The following DTNA variants were observed in gnomAD, a reference collection of about 807,000 sequenced individuals.
The protein encoded by DTNA is dystrobrevin alpha, also known as dystrophin-related protein 3.
A neutral mutation model predicts 100.7 loss-of-function variants in DTNA; 43 were observed. That is an observed-to-expected ratio of 0.43 (90% CI 0.33 to 0.55). The LOEUF (loss-of-function observed/expected upper bound fraction) is 0.55, where lower values mean the gene tolerates loss of function less well. Ranked by LOEUF, DTNA falls within the 20% of genes least tolerant of loss-of-function variation. The pLI, the probability that DTNA is intolerant of heterozygous loss-of-function variation, is 0.04. For missense variants in DTNA, 798 were observed against 953.9 expected (o/e 0.84, Z 2.15); for synonymous variants, 349 against 347.9 (o/e 1.00, Z -0.04).
At chr18:34,860,848 C>T (rs2096615381) in intron 16 of DTNA, among the ~76,000 whole-genome samples, 1 of 152,070 alleles carries the variant, frequency 6.6e-6, no homozygotes, top group African/African-American at 2.4e-5. Context: ...TACACTGTCC[C>T]GTAAAATTAC....
At chr18:34,645,853 T>A (rs970583008) in intron 1 of DTNA, among the ~76,000 whole-genome samples, 5 of 152,196 alleles carry the variant, frequency 3.3e-5, no homozygotes, top group Admixed American at 2.0e-4. Context: ...TTTTTAACCA[T>A]TTTTTGAAAA....
chr18:34,733,749 C>T (rs1014474973), intron 1 of DTNA, among the ~76,000 whole-genome samples: 5 of 152,168 alleles, frequency 3.3e-5, no homozygotes, highest in Non-Finnish European at 7.4e-5. Flanking sequence ...TCCACTCCAC[C>T]ATCCCAATCT....
chr18:34,672,261 A>G (rs1472408322), intron 1 of DTNA, among the ~76,000 whole-genome samples: 1 of 152,110 alleles, frequency 6.6e-6, no homozygotes, highest in Non-Finnish European at 1.5e-5. Flanking sequence ...ACTTATATTC[A>G]TAAAAGGAGA....
chr18:34,558,496 A>C (rs2046336680), intron 1 of DTNA, among the ~76,000 whole-genome samples: 1 of 152,200 alleles, frequency 6.6e-6, no homozygotes, highest in Non-Finnish European at 1.5e-5. Flanking sequence ...TACAGCCATA[A>C]ACAAAAATAC....
At chr18:34,761,126 TCACACACACACACACACACA>T (rs6146260) in intron 2 of DTNA, among the ~76,000 whole-genome samples, 3 of 149,204 alleles carry the variant, frequency 2.0e-5, no homozygotes, top group Admixed American at 6.7e-5. Flanking sequence ...CCTCCATCCT[TCACACACACACACACACACA>T]CACACACACA....
chr18:34,790,240 ACATG>A, intron 3 of DTNA, among the ~76,000 whole-genome samples: 1 of 152,290 alleles, frequency 6.6e-6, no homozygotes, highest in East Asian at 1.9e-4. Context: ...GTCCTGTGCC[ACATG>A]CAACGCAGAA....
chr18:34,675,292 G>A (rs188042413), intron 1 of DTNA, among the ~76,000 whole-genome samples: 2 of 151,942 alleles, frequency 1.3e-5, no homozygotes, highest in Admixed American at 1.3e-4. Flanking sequence ...GTCCCCTGGG[G>A]GCAAAATCAC....
intron 1 of DTNA, among the ~76,000 whole-genome samples, chr18:34,497,881 C>G (rs1014725414): frequency 3.3e-5 from 5 of 152,096 alleles, no homozygotes; most frequent in African/African-American, 1.2e-4. Context: ...CCATTTGAAA[C>G]TATTAAAATT....
intron 1 of DTNA, among the ~76,000 whole-genome samples, chr18:34,723,133 G>A (rs868723817): frequency 5.7e-4 from 87 of 152,106 alleles, no homozygotes; most frequent in African/African-American, 2.0e-3. Flanking sequence ...CATTATATTT[G>A]ACAACATTAA....
At chr18:34,542,808 CCACAACTAATATCTG>C in intron 1 of DTNA, among the ~76,000 whole-genome samples, 1 of 152,062 alleles carries the variant, frequency 6.6e-6, no homozygotes, top group Admixed American at 6.6e-5. Flanking sequence ...ACAACCACCA[CCACAACTAATATCTG>C]CTTACACCAG....
chr18:34,521,347 A>G (rs1354357819), intron 1 of DTNA, among the ~76,000 whole-genome samples: 1 of 152,150 alleles, frequency 6.6e-6, no homozygotes, highest in East Asian at 1.9e-4. Flanking sequence ...TCACTATTAT[A>G]TTATTTTGGT....
chr18:34,884,730 C>T lies in DTNA; in HGVS notation c.2298C>T (p.Val766=). 6.2e-7 allele frequency: 1 copy of T among 1,614,136 alleles called. No individual in the cohort carries two copies. Among genetic ancestry groups the T allele is most frequent in the Non-Finnish European group, 8.5e-7 (1 of 1,179,990 alleles). ...KQKLQDEAYQ[V]SLQG is the part of the protein sequence containing the mutation. ...TTTGTGTCCTTTGTCACCCACAGGT[C>T]AGCTTGCAAGGTTGAATGCAATATC... Residue 766 remains valine (V), a splice_region_variant and synonymous_variant, in exon 22 of 23, where the codon GTC becomes GTT. Coordinates refer to ENST00000444659, the MANE Select transcript of DTNA (RefSeq NM_001386795.1).
rs753544169 is a variant in DTNA, at chr18:34,838,869, T to TA, written c.1346+33dup. ...GCAGGTTTGGCTGCTTGACTGTCCT[T>TA]AGAGAGGGATACAGTCTGAGCTGGT... On this transcript the variant is annotated intron_variant, in intron 13 of 22. Transcript: ENST00000444659. The TA allele has an allele frequency of 2.5e-6, 4 of 1,582,836 alleles. No individual in the cohort carries two copies. The African/African-American group carries it at 5.4e-5, about 21-fold the overall frequency.
At chr18:34,816,685 C>G (rs2095605395) in intron 7 of DTNA, among the ~76,000 whole-genome samples, 1 of 152,156 alleles carries the variant, frequency 6.6e-6, no homozygotes, top group South Asian at 2.1e-4. Context: ...TTCAATGTAA[C>G]TCTGAAATTT....
intron 1 of DTNA, among the ~76,000 whole-genome samples, chr18:34,701,955 T>G (rs1192510676): frequency 6.6e-6 from 1 of 152,096 alleles, no homozygotes; most frequent in African/African-American, 2.4e-5. Context: ...ATAGACAGAG[T>G]GTTATTTTAA....
intron 17 of DTNA, among the ~76,000 whole-genome samples, chr18:34,865,454 C>G (rs866609737): frequency 6.6e-6 from 1 of 151,924 alleles, no homozygotes; most frequent in Non-Finnish European, 1.5e-5. Flanking sequence ...ATTCCTTTTC[C>G]CTCCATCAGT....
intron 1 of DTNA, among the ~76,000 whole-genome samples, chr18:34,581,235 G>A (rs996518084): frequency 2.7e-5 from 4 of 148,166 alleles, no homozygotes; most frequent in African/African-American, 5.0e-5. Context: ...GTGACAGAGC[G>A]AGATTGGGTC....
intron 1 of DTNA, among the ~76,000 whole-genome samples, chr18:34,541,892 C>G (rs2044281250): frequency 6.6e-6 from 1 of 152,018 alleles, no homozygotes; most frequent in East Asian, 1.9e-4. Context: ...TGTGATGGGT[C>G]TAGACCTGGT....
chr18:34,676,332 T>C (rs542076917), intron 1 of DTNA, among the ~76,000 whole-genome samples: 111 of 152,278 alleles, frequency 7.3e-4, no homozygotes, highest in African/African-American at 2.6e-3. Context: ...GCACCCAAAA[T>C]GAATGAAATA....
Sources: allele counts gnomAD v4.1 joint callset (sites outside exome capture counted in the v4.1 genomes callset), GRCh38; gene constraint gnomAD v4.1.1; transcripts MANE v1.5; gene names NCBI Gene and HGNC (gene_info 2026-07-23, HGNC 2026-07-21).